CIT: variants seen among roughly 807,000 people sequenced by gnomAD.
CIT encodes the protein citron rho-interacting serine/threonine kinase, also known as citron Rho-interacting kinase.
A neutral mutation model predicts 272.7 loss-of-function variants in CIT; 79 were observed. The observed-to-expected ratio is 0.29, with a 90% CI of 0.24 to 0.35. CIT has a LOEUF of 0.35. Among genes scored for constraint, CIT ranks in the 10% least tolerant of loss-of-function variants. CIT has a pLI of 1.00. For missense variants in CIT, 1,909 were observed against 2,618.3 expected, an observed-to-expected ratio of 0.73 and a Z score of 5.91; for synonymous variants, 948 against 995.6, an observed-to-expected ratio of 0.95 and a Z score of 0.90.
At chr12:119,790,533 TCAA>T (rs1965218651) in intron 10 of CIT, among the ~76,000 whole-genome samples, 2 of 152,184 alleles carry the variant, frequency 1.3e-5, no homozygotes, top group South Asian at 4.2e-4. Context: ...TTCTCAAACT[TCAA>T]CAAAATTTTT....
At chr12:119,780,631 C>T (rs1251724179) in intron 13 of CIT, among the ~76,000 whole-genome samples, 1 of 151,906 alleles carries the variant, frequency 6.6e-6, no homozygotes, top group Non-Finnish European at 1.5e-5. Flanking sequence ...AAATAAAGAG[C>T]GATATAGAAA....
At chr12:119,868,982 G>A in intron 3 of CIT, 78 bp downstream of exon 3, 1 of 1,538,036 alleles carries the variant, frequency 6.5e-7, no homozygotes, top group Non-Finnish European at 8.9e-7. Flanking sequence ...CTATCAACCA[G>A]TAACTCATTC....
rs766351202 is a variant in CIT at position 119,712,607 on chromosome 12, T to C, written c.4668A>G (p.Ala1556=). Residue 1556 remains alanine (A), a synonymous_variant, in exon 36 of 48, where the codon GCA becomes GCG. Transcript: ENST00000392521. The surrounding 1 kb of genome is among the most constrained non-coding windows in gnomAD (Gnocchi z 5.2). ...CCTCCTCACCTGCTTTGGCTGTATT[T>C]GCGAGTTCGGAAGCACCAACGGCAC... ...IHGAVGASEL[A]NTAKADVPYI... 8.7e-6 allele frequency: 14 copies of C among 1,614,032 alleles called. No individual in the cohort carries two copies. The highest frequency in any genetic ancestry group is 1.7e-6 in the Non-Finnish European group (2 of 1,180,034).
chr12:119,846,803 G>A (rs944108603), intron 5 of CIT, among the ~76,000 whole-genome samples: 4 of 151,710 alleles, frequency 2.6e-5, no homozygotes, highest in African/African-American at 9.7e-5. Context: ...TAATCAGGAA[G>A]GTGAAGCAGG....
Position 119,701,946 on chromosome 12 carries a change from A to C in CIT, c.5317T>G (p.Ser1773Ala). The change falls in exon 42 of 48, where the codon TCA becomes GCA. Residue 1773 changes from serine (S) to alanine (A), a missense_variant. Physicochemically the swap from Ser to Ala is moderately conservative, Grantham distance 99. Coordinates refer to ENST00000392521, the MANE Select transcript of CIT (RefSeq NM_001206999.2). Reference sequence around the variant, plus strand: ...AAGTGGATACAGCTGCAGGGCTCTGAGGTCTCTATCTCCTGAGACATGAGA... The same window carrying C: ...AAGTGGATACAGCTGCAGGGCTCTGCGGTCTCTATCTCCTGAGACATGAGA... ...KYCIRKEIET[S>A]EPCSCIHFTN... 1.2e-6 allele frequency: 2 copies of C among 1,613,036 alleles called. No homozygotes were observed. The highest frequency in any genetic ancestry group is 1.7e-6 in the Non-Finnish European group (2 of 1,179,038).
chr12:119,806,534 A>T (rs1160060644), intron 9 of CIT, among the ~76,000 whole-genome samples: 2 of 152,204 alleles, frequency 1.3e-5, no homozygotes, highest in Non-Finnish European at 2.9e-5. Context: ...AGGATCACTG[A>T]GCCCTTGGAG....
At chr12:119,733,024 T>C (rs1206183525) in intron 26 of CIT, among the ~76,000 whole-genome samples, 1 of 152,208 alleles carries the variant, frequency 6.6e-6, no homozygotes, top group Non-Finnish European at 1.5e-5. Flanking sequence ...TTTTCTGCCA[T>C]GAGCTGTGTA....
At chr12:119,774,661 T>A (rs774980126) in intron 16 of CIT, among the ~76,000 whole-genome samples, 4 of 152,122 alleles carry the variant, frequency 2.6e-5, no homozygotes, top group East Asian at 1.9e-4. Flanking sequence ...AGGGAAAAAA[T>A]TAATAAAAAT....
rs555742763 is a variant in CIT at position 119,737,259 on chromosome 12, A to G, written c.2959-1902T>C. Reference sequence around the variant, plus strand: ...GAGGCGGAGCTTGCAGTGAGCCACAATTGCGCCACTGCACTCCAGCCTGGG... The same window carrying G: ...GAGGCGGAGCTTGCAGTGAGCCACAGTTGCGCCACTGCACTCCAGCCTGGG... On this transcript the variant is annotated intron_variant, in intron 24 of 47. Coordinates refer to ENST00000392521, the MANE Select transcript of CIT (RefSeq NM_001206999.2). Among the ~76,000 whole-genome samples, 151 of 131,992 alleles carry G rather than the reference A, an allele frequency of 1.1e-3. 1 individual carries two copies. The highest frequency in any genetic ancestry group is 3.6e-3 in the African/African-American group (131 of 36,020). The allele number at this position is 131,992 out of a possible 152,430, so 86.6% of individuals were successfully genotyped here.
intron 10 of CIT, 47 bp from the exon 11 acceptor site, chr12:119,785,112 A>T (rs770635144): frequency 1.8e-5 from 29 of 1,594,796 alleles, no homozygotes; most frequent in Middle Eastern, 3.4e-4. Context: ...GGTGGGCCTA[A>T]GAAGCTGCAT....
At chr12:119,746,329 T>C (rs74436390) in intron 23 of CIT, among the ~76,000 whole-genome samples, 1 of 152,220 alleles carries the variant, frequency 6.6e-6, no homozygotes, top group Admixed American at 6.5e-5. Flanking sequence ...ACAAACGATA[T>C]GTAAACAAAC....
intron 10 of CIT, among the ~76,000 whole-genome samples, chr12:119,793,455 A>C (rs1965485879): frequency 6.6e-6 from 1 of 152,184 alleles, no homozygotes; most frequent in African/African-American, 2.4e-5. Context: ...GGTCAGAGGC[A>C]CACTTTGTGA....
Position 119,857,257 on chromosome 12 carries a change from C to T in CIT, c.414+266G>A, listed in dbSNP as rs7966776. Among the ~76,000 whole-genome samples the T allele has an allele frequency of 0.051, 7,758 of 152,198 alleles. 383 individuals are homozygous for T. Among genetic ancestry groups the T allele is most frequent in the African/African-American group, 0.13 (5,419 of 41,490 alleles). Reference sequence around the variant, plus strand: ...TAAAAGATCATCTTAAATTCATTAGCTAAAAGGCCACCTTGGTTCTGAAAT... The same window carrying T: ...TAAAAGATCATCTTAAATTCATTAGTTAAAAGGCCACCTTGGTTCTGAAAT... On this transcript the variant is annotated intron_variant, in intron 4 of 47. Transcript: ENST00000392521.
In CIT at chr12:119,757,413, A is replaced by C. The variant is rs994326960; in HGVS notation, c.2664T>G (p.Ser888Arg). 10 of 1,612,720 alleles carry C rather than the reference A, an allele frequency of 6.2e-6. No homozygotes were observed. Among genetic ancestry groups the C allele is most frequent in the Non-Finnish European group, 8.5e-6 (10 of 1,179,560 alleles). Residue 888 changes from serine to arginine, a missense_variant, in exon 22 of 48, where the codon AGT becomes AGG. Physicochemically the swap from Ser to Arg is moderately radical, Grantham distance 110. This residue lies in a region of CIT where 530 missense variants were observed against 822.4 expected (regional missense o/e 0.64). Transcript: ENST00000392521. ...QLEKISHQDH[S>R]DKNRLLELET... Reference sequence around the variant, plus strand: ...CCAGTTCCAGCAGCCGATTCTTGTCACTGTGGTCTTGGTGGCTGATCTTCT... The same window carrying C: ...CCAGTTCCAGCAGCCGATTCTTGTCCCTGTGGTCTTGGTGGCTGATCTTCT...
intron 44 of CIT, chr12:119,699,727 T>A: frequency 2.2e-6 from 1 of 447,766 alleles, no homozygotes. Context: ...CCAGTGGCCC[T>A]GCTGATACCA....
intron 10 of CIT, among the ~76,000 whole-genome samples, chr12:119,802,296 T>C (rs1298345593): frequency 6.6e-6 from 1 of 152,104 alleles, no homozygotes; most frequent in East Asian, 1.9e-4. Flanking sequence ...CAGAATGTCA[T>C]TGTATCATGA....
At chr12:119,816,197 C>T (rs1738066606) in intron 9 of CIT, among the ~76,000 whole-genome samples, 1 of 152,050 alleles carries the variant, frequency 6.6e-6, no homozygotes, top group Admixed American at 6.5e-5. Context: ...CTTATTCCAC[C>T]CTTAATTAAA....
At chr12:119,754,908 T>C (rs1276770525) in intron 22 of CIT, among the ~76,000 whole-genome samples, 3 of 152,202 alleles carry the variant, frequency 2.0e-5, no homozygotes, top group Non-Finnish European at 2.9e-5. Context: ...GGAACATTTG[T>C]GCAAAGGGAA....
chr12:119,850,380 A>AAT (rs892661885), intron 4 of CIT, 105 bp from the exon 5 acceptor site: 1 of 629,052 alleles, frequency 1.6e-6, no homozygotes, highest in African/African-American at 1.9e-5. Context: ...AGCTTTAAAA[A>AAT]AAAAAAAAGG....
Sources: allele counts gnomAD v4.1 joint callset (sites outside exome capture counted in the v4.1 genomes callset), GRCh38; gene constraint gnomAD v4.1.1; regional missense constraint gnomAD v4.1.1; non-coding constraint Gnocchi (gnomAD v3.1); transcripts MANE v1.5; gene names NCBI Gene and HGNC (gene_info 2026-07-23, HGNC 2026-07-21).